Variants in NKAIN2 observed in about 807,000 individuals in gnomAD.
NKAIN2 encodes the protein sodium/potassium transporting ATPase interacting 2.
Under a neutral mutation model 32.6 loss-of-function variants are expected in NKAIN2, and 14 were observed. That is an observed-to-expected ratio of 0.43 (90% CI 0.28 to 0.67). The LOEUF is 0.67. Ranked by LOEUF, NKAIN2 falls within the 30% of genes least tolerant of loss-of-function variation. NKAIN2 has a pLI of 0.17. For synonymous variants in NKAIN2, 80 were observed against 87.2 expected, an observed-to-expected ratio of 0.92 and a Z score of 0.46; for missense variants, 198 against 258.3, an observed-to-expected ratio of 0.77 and a Z score of 1.60.
At chr6:124,037,771 T>G (rs1781669673) in intron 1 of NKAIN2, among the ~76,000 whole-genome samples, 1 of 152,122 alleles carries the variant, frequency 6.6e-6, no homozygotes, top group Non-Finnish European at 1.5e-5. Context: ...TATGGATCCT[T>G]GAAATTCTAT....
chr6:123,951,528 T>G (rs1777325340), intron 1 of NKAIN2, among the ~76,000 whole-genome samples: 1 of 152,056 alleles, frequency 6.6e-6, no homozygotes, highest in Non-Finnish European at 1.5e-5. Flanking sequence ...TTTTCGCTTT[T>G]TACCATTTTT....
chr6:123,942,429 C>G (rs1776866828), intron 1 of NKAIN2, among the ~76,000 whole-genome samples: 1 of 151,886 alleles, frequency 6.6e-6, no homozygotes, highest in Admixed American at 6.6e-5. Flanking sequence ...AAAAAATTGT[C>G]CCTGGAGTAA....
chr6:124,791,311 T>G (rs777080414), intron 4 of NKAIN2, 28 bp from the exon 5 acceptor site: 1 of 1,586,420 alleles, frequency 6.3e-7, no homozygotes, highest in Non-Finnish European at 8.6e-7. Flanking sequence ...CTTTTTCTGA[T>G]GTCTAAAGCA....
chr6:124,603,666 T>G (rs1782390289), intron 3 of NKAIN2, among the ~76,000 whole-genome samples: 1 of 151,920 alleles, frequency 6.6e-6, no homozygotes. Flanking sequence ...CAGTTTGCCT[T>G]CTGTTATATG....
chr6:124,264,157 G>T (rs1367342278), intron 1 of NKAIN2, among the ~76,000 whole-genome samples: 1 of 152,174 alleles, frequency 6.6e-6, no homozygotes, highest in East Asian at 1.9e-4. Context: ...GTGTAGCAGA[G>T]GGAATGAGAA....
intron 1 of NKAIN2, among the ~76,000 whole-genome samples, chr6:123,985,681 C>A (rs927117293): frequency 1.3e-5 from 2 of 152,090 alleles, no homozygotes; most frequent in African/African-American, 4.8e-5. Flanking sequence ...GGCAAAGAGA[C>A]CTATGAAACA....
intron 2 of NKAIN2, among the ~76,000 whole-genome samples, chr6:124,339,420 A>G (rs1010937846): frequency 6.6e-6 from 1 of 152,198 alleles, no homozygotes; most frequent in Admixed American, 6.5e-5. Flanking sequence ...AATCTGTAGC[A>G]ATGAGCAGAA....
intron 4 of NKAIN2, among the ~76,000 whole-genome samples, chr6:124,673,284 C>T (rs1773195160): frequency 6.6e-6 from 1 of 152,054 alleles, no homozygotes; most frequent in Non-Finnish European, 1.5e-5. Context: ...TCTATCCATT[C>T]ACCTGTCAGC....
intron 3 of NKAIN2, among the ~76,000 whole-genome samples, chr6:124,456,617 AT>A (rs888521395): frequency 2.0e-5 from 3 of 151,896 alleles, no homozygotes; most frequent in African/African-American, 4.8e-5. Flanking sequence ...CTCCTTAAAT[AT>A]TTTTTTGCCC....
At chr6:124,408,772 A>G (rs1298121293) in intron 3 of NKAIN2, among the ~76,000 whole-genome samples, 1 of 152,174 alleles carries the variant, frequency 6.6e-6, no homozygotes, top group Admixed American at 6.5e-5. Flanking sequence ...TATTGAATCT[A>G]TAAATTACCT....
chr6:123,946,876 C>A lies in NKAIN2; in HGVS notation c.54+142622C>A, dbSNP rs184162299. ...AGTGGAGCATCACCCCATGAACAGA[C>A]ATCAGGCAGAGGCATCAATCAAAGC... On this transcript the variant is annotated intron_variant, in intron 1 of 6. Coordinates refer to ENST00000368417, the MANE Select transcript of NKAIN2 (RefSeq NM_001040214.3). 5.1e-4 allele frequency among the ~76,000 whole-genome samples: 78 copies of A among 152,290 alleles called. No homozygotes were observed. The East Asian group carries it at 0.014, about 28-fold the overall frequency.
At position 124,750,004 on chromosome 6, in the gene NKAIN2, G is replaced by A. The variant is rs141073529; in HGVS notation, c.475-41335G>A. Among the ~76,000 whole-genome samples, 1,011 of 151,590 alleles carry A rather than the reference G, an allele frequency of 6.7e-3. 9 individuals carry two copies. Among genetic ancestry groups the A allele is most frequent in the African/African-American group, 0.022 (926 of 41,400 alleles). ...CTCTTTGGGGACATGTGATATAATT[G>A]AAATAGCATCAGCTTGGAAACCATT... On this transcript the variant is annotated intron_variant, in intron 4 of 6. Transcript: ENST00000368417.
chr6:124,306,692 T>TA (rs961525565), intron 2 of NKAIN2, among the ~76,000 whole-genome samples: 1 of 152,148 alleles, frequency 6.6e-6, no homozygotes, highest in African/African-American at 2.4e-5. Flanking sequence ...AGTAGCATGA[T>TA]AAAAAACTAT....
At chr6:124,377,825 G>A (rs1388824449) in intron 3 of NKAIN2, among the ~76,000 whole-genome samples, 2 of 152,132 alleles carry the variant, frequency 1.3e-5, no homozygotes, top group Non-Finnish European at 2.9e-5. Flanking sequence ...GCAATAATTT[G>A]CCTTGGGAGT....
At chr6:124,608,189 G>A (rs770713359) in intron 3 of NKAIN2, among the ~76,000 whole-genome samples, 1 of 152,026 alleles carries the variant, frequency 6.6e-6, no homozygotes, top group African/African-American at 2.4e-5. Context: ...AAACTTTTTG[G>A]CTTTACCATT....
intron 3 of NKAIN2, among the ~76,000 whole-genome samples, chr6:124,595,765 A>G (rs1782062837): frequency 6.6e-6 from 1 of 152,202 alleles, no homozygotes; most frequent in Non-Finnish European, 1.5e-5. Context: ...CCACCCCTAC[A>G]AATATTAAGT....
intron 1 of NKAIN2, among the ~76,000 whole-genome samples, chr6:124,101,574 TTTTG>T (rs1042891273): frequency 9.2e-5 from 14 of 152,154 alleles, no homozygotes; most frequent in African/African-American, 2.2e-4. Flanking sequence ...GCAGGGTTTT[TTTTG>T]TTTGTTTGTT....
chr6:124,755,731 G>A (rs928022296), intron 4 of NKAIN2, among the ~76,000 whole-genome samples: 3 of 152,048 alleles, frequency 2.0e-5, no homozygotes, highest in African/African-American at 7.2e-5. Flanking sequence ...TCAGGAGAAG[G>A]GGGAGTAACA....
intron 4 of NKAIN2, among the ~76,000 whole-genome samples, chr6:124,726,658 C>T (rs998319511): frequency 3.4e-5 from 5 of 147,164 alleles, no homozygotes; most frequent in Non-Finnish European, 6.0e-5. Context: ...GCCTCTCCTC[C>T]TCCAAAGGAA....
Sources: allele counts gnomAD v4.1 joint callset (sites outside exome capture counted in the v4.1 genomes callset), GRCh38; gene constraint gnomAD v4.1.1; transcripts MANE v1.5; gene names NCBI Gene and HGNC (gene_info 2026-07-23, HGNC 2026-07-21).